The following CP variants were observed in gnomAD, a reference collection of about 807,000 sequenced individuals.
CP encodes ceruloplasmin.
CP carries 64 observed loss-of-function variants against 122.4 expected under a neutral mutation model. The observed-to-expected ratio is 0.52, with a 90% CI of 0.43 to 0.64. The LOEUF (loss-of-function observed/expected upper bound fraction) is 0.64, where lower values mean the gene tolerates loss of function less well. Among genes scored for constraint, CP ranks in the 30% least tolerant of loss-of-function variants. The probability of loss-of-function intolerance (pLI) is 0.00; values close to 1 mark genes in which losing one functional copy is unlikely to be tolerated. For synonymous variants in CP, 440 were observed against 436.4 expected (o/e 1.01, Z -0.10); for missense variants, 1,167 against 1,284.4 (o/e 0.91, Z 1.40).
rs1288529060 is a variant in CP, at chr3:149,173,527, G to C, written c.*187C>G. ...AGTGTCAGTCATGTATCATTATATA[G>C]TCTGTTGATCTTTCCATTTGCAAAA... On this transcript the variant is annotated 3_prime_UTR_variant, in exon 19 of 19. Transcript: ENST00000264613. 2.1e-6 allele frequency: 1 copy of C among 483,256 alleles called. No homozygotes were observed. Among genetic ancestry groups the C allele is most frequent in the Non-Finnish European group, 3.8e-6 (1 of 262,212 alleles). The allele number at this position is 483,256 out of a possible 1,614,324, so 29.9% of individuals were successfully genotyped here.
intron 1 of CP, among the ~76,000 whole-genome samples, chr3:149,213,151 G>A (rs1012365492): frequency 6.6e-6 from 1 of 152,100 alleles, no homozygotes; most frequent in Non-Finnish European, 1.5e-5. Flanking sequence ...AAGTATGTGT[G>A]TGTATATTTA....
downstream of CP, among the ~76,000 whole-genome samples, chr3:149,169,161 C>T (rs1724733220): frequency 6.6e-6 from 1 of 152,068 alleles, no homozygotes; most frequent in Non-Finnish European, 1.5e-5. Context: ...CTACACATTC[C>T]TCACCAGCAA....
At chr3:149,207,033 G>A (rs892925112) in intron 5 of CP, among the ~76,000 whole-genome samples, 5 of 152,058 alleles carry the variant, frequency 3.3e-5, no homozygotes, top group African/African-American at 7.2e-5. Flanking sequence ...GAAATAAGTC[G>A]AAAAACAGGG....
chr3:149,209,725 A>G (rs1285814738), intron 3 of CP, among the ~76,000 whole-genome samples: 1 of 152,198 alleles, frequency 6.6e-6, no homozygotes, highest in Non-Finnish European at 1.5e-5. Flanking sequence ...ACGATTGTTC[A>G]AGTTAGAATT....
chr3:149,203,031 C>T (rs1727454057), intron 6 of CP, among the ~76,000 whole-genome samples: 2 of 149,706 alleles, frequency 1.3e-5, no homozygotes, highest in Middle Eastern at 3.5e-3. Flanking sequence ...CTCAGCCTCC[C>T]GAGTAGCTGG....
intron 9 of CP, among the ~76,000 whole-genome samples, chr3:149,193,655 G>A (rs550193570): frequency 1.3e-5 from 2 of 152,252 alleles, no homozygotes; most frequent in South Asian, 4.2e-4. Context: ...TTTAGAAATT[G>A]ATTGACTTCA....
intron 5 of CP, among the ~76,000 whole-genome samples, chr3:149,165,067 TA>T (rs1333399322): frequency 6.6e-6 from 1 of 152,192 alleles, no homozygotes; most frequent in Non-Finnish European, 1.5e-5. Flanking sequence ...TGTGCTTCTT[TA>T]AAAAATAACC....
chr3:149,176,712 G>T, intron 17 of CP: 1 of 324,014 alleles, frequency 3.1e-6, no homozygotes, highest in South Asian at 3.2e-5. Context: ...TAGCACTTAA[G>T]CTACACAAAA....
intron 7 of CP, among the ~76,000 whole-genome samples, chr3:149,200,938 G>C (rs989887108): frequency 6.6e-6 from 1 of 151,714 alleles, no homozygotes; most frequent in Admixed American, 6.6e-5. Flanking sequence ...CTGAGTCACC[G>C]CTAGGAAAAA....
intron 15 of CP, 125 bp downstream of exon 15, chr3:149,179,431 T>G (rs529756671): frequency 4.2e-5 from 32 of 764,126 alleles, no homozygotes; most frequent in Non-Finnish European, 6.6e-5. Context: ...TAAAGTAGAT[T>G]GCAAACAGTT....
At chr3:149,196,774 TTATAAA>T (rs1389586602) in intron 9 of CP, among the ~76,000 whole-genome samples, 1 of 148,478 alleles carries the variant, frequency 6.7e-6, no homozygotes, top group Non-Finnish European at 1.5e-5. Context: ...AATTTGAAAC[TTATAAA>T]TATAGGGAAT....
At chr3:149,197,883 T>C (rs1256692125) in intron 9 of CP, among the ~76,000 whole-genome samples, 1 of 152,118 alleles carries the variant, frequency 6.6e-6, no homozygotes, top group African/African-American at 2.4e-5. Flanking sequence ...GCAGCCCAGT[T>C]CCTGACAGAC....
chr3:149,205,795 TA>T lies in CP; in HGVS notation c.1208+372del, dbSNP rs940224114. 5.3e-5 allele frequency among the ~76,000 whole-genome samples: 8 copies of T among 151,218 alleles called. No individual in the cohort carries two copies. In the East Asian group the frequency reaches 9.7e-4, roughly 18 times the overall value. ...GGTTCAGAGTTTTCATTTGGGATGA[TA>T]AAAAAAAAGTTCTGGAAATGGATAG... On this transcript the variant is annotated intron_variant, in intron 6 of 18. Coordinates refer to ENST00000264613, the MANE Select transcript of CP (RefSeq NM_000096.4).
chr3:149,165,828 A>T (rs1217219090), intron 5 of CP: 1 of 344,936 alleles, frequency 2.9e-6, no homozygotes. Flanking sequence ...ATTTTCTCCC[A>T]TGTTGGGAGA....
At chr3:149,193,282 A>C (rs1261102546) in intron 9 of CP, among the ~76,000 whole-genome samples, 1 of 152,208 alleles carries the variant, frequency 6.6e-6, no homozygotes, top group South Asian at 2.1e-4. Context: ...CTGTTTAGTT[A>C]AAACAAAAAA....
chr3:149,196,935 G>A (rs536841009), intron 9 of CP, among the ~76,000 whole-genome samples: 3 of 152,226 alleles, frequency 2.0e-5, no homozygotes, highest in East Asian at 1.9e-4. Context: ...CTTAACTGAT[G>A]ACATTCCACC....
At chr3:149,220,379 T>C (rs984966822) in intron 1 of CP, among the ~76,000 whole-genome samples, 29 of 152,178 alleles carry the variant, frequency 1.9e-4, no homozygotes, top group African/African-American at 6.0e-4. Flanking sequence ...CACATATAAT[T>C]TATATTATAT....
chr3:149,200,438 A>G (rs1727224514), intron 7 of CP, among the ~76,000 whole-genome samples: 1 of 152,146 alleles, frequency 6.6e-6, no homozygotes, highest in South Asian at 2.1e-4. Context: ...TCCCTATACC[A>G]ACTTTAATAA....
Position 149,176,331 on chromosome 3 carries a change from C to T in CP, c.3100G>A (p.Gly1034Arg), listed in dbSNP as rs1293769646. The T allele has an allele frequency of 1.9e-6, 3 of 1,613,412 alleles. No individual in the cohort carries two copies. The highest frequency in any genetic ancestry group is 2.5e-6 in the Non-Finnish European group (3 of 1,179,594). ...QTLEMFPRTP[G>R]IWLLHCHVTD... ...ACATGGCAGTGGAGTAACCAAATTC[C>T]AGGTGTTCTTGGAAACATTTCTAGG... The change falls in exon 18 of 19, where the codon GGA becomes AGA. Residue 1034 changes from glycine to arginine, a missense_variant. Coordinates refer to ENST00000264613, the MANE Select transcript of CP (RefSeq NM_000096.4).
Sources: gnomAD v4.1 joint callset for allele counts (sites outside exome capture counted in the v4.1 genomes callset) on GRCh38, gnomAD v4.1.1 for gene constraint, MANE v1.5 for transcripts, NCBI Gene and HGNC (gene_info 2026-07-23, HGNC 2026-07-21) for gene names.